The following ADAMTSL5 variants were observed in gnomAD, a reference collection of about 807,000 sequenced individuals.
The protein encoded by ADAMTSL5 is ADAMTS like 5.
In ADAMTSL5, 53 loss-of-function variants were observed where a neutral mutation model predicts 51.7. The ratio of observed to expected loss-of-function variants is 1.03; its 90% CI spans 0.82 to 1.29. ADAMTSL5 has a LOEUF of 1.29. Among genes scored for constraint, ADAMTSL5 ranks in the 50% most tolerant of loss-of-function variants. ADAMTSL5 has a pLI of 0.00. For synonymous variants in ADAMTSL5, 285 were observed against 278.7 expected, an observed-to-expected ratio of 1.02 and a Z score of -0.23; for missense variants, 770 against 676.2, an observed-to-expected ratio of 1.14 and a Z score of -1.54.
intron 5 of ADAMTSL5, 178 bp from the exon 6 acceptor site, chr19:1,508,748 C>T (rs1216512696): frequency 2.8e-6 from 2 of 705,864 alleles, no homozygotes; most frequent in Non-Finnish European, 4.2e-6. Flanking sequence ...CGTCCAGCAA[C>T]CTGGGACTCG....
intron 3 of ADAMTSL5, 28 bp from the exon 4 acceptor site, chr19:1,510,456 C>T (rs571016206): frequency 1.3e-6 from 2 of 1,581,410 alleles, no homozygotes; most frequent in African/African-American, 2.7e-5. Context: ...GTGGCGAGAA[C>T]CCCCAGGGAC....
intron 8 of ADAMTSL5, 74 bp downstream of exon 8, chr19:1,507,483 C>T (rs1045122131): frequency 9.3e-6 from 15 of 1,611,286 alleles, no homozygotes; most frequent in Non-Finnish European, 1.3e-5. Flanking sequence ...AGGCCTCAGT[C>T]TCCCCATCTG....
At position 1,510,412 on chromosome 19, in the gene ADAMTSL5, G is replaced by T. The variant is rs1225891165; in HGVS notation, c.208C>A (p.Pro70Thr). ...TACTCATGGGAGTCTCCCCAGCACGGTTCTTCCCCAGGAAGCCTGAAGGGA... is the reference window on the plus strand; with the variant it reads ...TACTCATGGGAGTCTCCCCAGCACGTTTCTTCCCCAGGAAGCCTGAAGGGA... ...RRCLRLPGEE[P>T]CWGDSHEYRL... The change falls in exon 4 of 12, where the codon CCG (proline) becomes ACG (threonine). Residue 70 changes from proline (P) to threonine (T), a missense_variant. Physicochemically the swap from Pro to Thr is conservative, Grantham distance 38. Transcript: ENST00000330475. 2 of 1,611,884 alleles carry T rather than the reference G, an allele frequency of 1.2e-6. No homozygotes were observed. Among genetic ancestry groups the T allele is most frequent in the Non-Finnish European group, 1.7e-6 (2 of 1,179,698 alleles).
At position 1,510,154 on chromosome 19, in the gene ADAMTSL5, A is replaced by T. The variant is rs749180512; in HGVS notation, c.357T>A (p.His119Gln). Residue 119 changes from histidine to glutamine, a missense_variant, in exon 5 of 12, where the codon CAT becomes CAA. His to Gln is a conservative substitution (Grantham distance 24). Coordinates refer to ENST00000330475, the MANE Select transcript of ADAMTSL5 (RefSeq NM_213604.3). ...TQKTYQWVPF[H>Q]GAPNQCDLNC... is the part of the protein sequence containing the mutation. ...ACAGGAGACCAGACTACTCACCCCC[A>T]TGGAAGGGCACCCACTGGTAGGTCT... The T allele has an allele frequency of 3.7e-6, 6 of 1,609,860 alleles. No individual in the cohort carries two copies. In the African/African-American group the frequency reaches 8.0e-5, roughly 22 times the overall value.
At chr19:1,509,675 G>GAAGGGAAGGAAGA (rs1599288550) in intron 5 of ADAMTSL5, among the ~76,000 whole-genome samples, 1 of 151,870 alleles carries the variant, frequency 6.6e-6, no homozygotes, top group Non-Finnish European at 1.5e-5. Context: ...GAAAGGGAAG[G>GAAGGGAAGGAAGA]AAGGGAAGGA....
At chr19:1,507,165 C>G in intron 9 of ADAMTSL5, 77 bp downstream of exon 9, 1 of 1,506,562 alleles carries the variant, frequency 6.6e-7, no homozygotes. Context: ...GTCACCTCCA[C>G]TCCTACCCTC....
At position 1,508,007 on chromosome 19, in the gene ADAMTSL5, G is replaced by A. The variant is rs1169064550; in HGVS notation, c.592C>T (p.Arg198Cys). Residue 198 changes from arginine (R) to cysteine (C), a missense_variant, in exon 7 of 12, where the codon CGT becomes TGT. By Grantham distance (180) the Arg-to-Cys change is radical. Transcript: ENST00000330475. ...CGGGGCAGGTAGTCACCGGCGTCAC[G>A]AAACACGCGCTGCACGAAAAGGCAC... ...DSCLFVQRVF[R>C]DAGAFAGYWN... 1 of 1,598,598 alleles carries A rather than the reference G, an allele frequency of 6.3e-7. No homozygotes were observed. The highest frequency in any genetic ancestry group is 8.5e-7 in the Non-Finnish European group (1 of 1,173,470).
chr19:1,506,479 G>A lies in ADAMTSL5; in HGVS notation c.1114+111C>T. ...GATCAATGAGGGATTAGGGTCAAGA[G>A]GCAAATTAGGATCAGAAGAAGGGGT... On this transcript the variant is annotated intron_variant, in intron 11 of 11. Coordinates refer to ENST00000330475, the MANE Select transcript of ADAMTSL5 (RefSeq NM_213604.3). The surrounding 1 kb of genome is among the most constrained non-coding windows in gnomAD (Gnocchi z 5.6). 3 of 1,473,800 alleles carry A rather than the reference G, an allele frequency of 2.0e-6. No homozygotes were observed. Among genetic ancestry groups the A allele is most frequent in the Admixed American group, 3.9e-5 (2 of 50,930 alleles). The allele number at this position is 1,473,800 out of a possible 1,614,324, so 91.3% of individuals were successfully genotyped here. A position where few individuals can be genotyped will look rare whatever the true frequency, so the allele number is the denominator to read the frequency against.
intron 5 of ADAMTSL5, among the ~76,000 whole-genome samples, chr19:1,509,662 GGAGA>G (rs1300622660): frequency 4.2e-4 from 15 of 35,976 alleles, no homozygotes; most frequent in South Asian, 1.1e-3. Context: ...GGAAGGGAAG[GGAGA>G]AAGGGAAGGA....
At position 1,506,252 on chromosome 19, in the gene ADAMTSL5, G is replaced by T. The variant is rs1912915824; in HGVS notation, c.1179C>A (p.Ile393=). The part of the protein sequence containing the change: ...QAQETRYEVR[I]QLVYKNRSPL... ...GCGAGCGGTTCTTGTAGACGAGCTG[G>T]ATGCGCACCTCATAGCGGGTCTCCT... Residue 393 remains isoleucine, a synonymous_variant, in exon 12 of 12, where the codon ATC becomes ATA. Coordinates refer to ENST00000330475, the MANE Select transcript of ADAMTSL5 (RefSeq NM_213604.3). The surrounding 1 kb of genome is among the most constrained non-coding windows in gnomAD (Gnocchi z 5.6). 6.3e-7 allele frequency: 1 copy of T among 1,579,602 alleles called. No individual in the cohort carries two copies. The highest frequency in any genetic ancestry group is 2.3e-5 in the East Asian group (1 of 44,444).
chr19:1,508,750 T>G, intron 5 of ADAMTSL5, 180 bp from the exon 6 acceptor site: 1 of 692,174 alleles, frequency 1.4e-6, no homozygotes, highest in Non-Finnish European at 2.2e-6. Context: ...TCCAGCAACC[T>G]GGGACTCGCA....
intron 1 of ADAMTSL5, chr19:1,511,703 A>T (rs1227727468): frequency 2.2e-5 from 15 of 667,432 alleles, no homozygotes; most frequent in Non-Finnish European, 3.3e-5. Context: ...GGCCAAGTGG[A>T]CTCAGTCCAT....
chr19:1,508,611 G>A, intron 5 of ADAMTSL5, 41 bp from the exon 6 acceptor site: 1 of 1,476,162 alleles, frequency 6.8e-7, no homozygotes, highest in Non-Finnish European at 9.0e-7. Context: ...ACCCCTGTTC[G>A]AGCTCCAGTC....
At chr19:1,510,612 C>CAGGG in intron 3 of ADAMTSL5, 27 bp downstream of exon 3, 4 of 1,513,900 alleles carry the variant, frequency 2.6e-6, no homozygotes, top group Non-Finnish European at 3.5e-6. Flanking sequence ...GGAGGAGGGG[C>CAGGG]AGGGACCCCC....
At chr19:1,507,894 T>C in intron 7 of ADAMTSL5, 104 bp downstream of exon 7, 1 of 1,289,062 alleles carries the variant, frequency 7.8e-7, no homozygotes, top group Non-Finnish European at 1.1e-6. Flanking sequence ...AAAGGGGGGC[T>C]GGGCCGCACA....
Position 1,508,733 on chromosome 19 carries a change from C to G in ADAMTSL5, c.362-163G>C, listed in dbSNP as rs542986169. On this transcript the variant is annotated intron_variant, in intron 5 of 11. Coordinates refer to ENST00000330475, the MANE Select transcript of ADAMTSL5 (RefSeq NM_213604.3). The stretch of plus-strand genomic sequence containing the variant: ...CAGAGCCAGGACTGGACCGTAGGTG[C>G]TCTGCGTCCAGCAACCTGGGACTCG... 3.3e-5 allele frequency: 32 copies of G among 977,920 alleles called. No individual in the cohort carries two copies. The African/African-American group carries it at 5.3e-4, about 16-fold the overall frequency. 60.6% of individuals were successfully genotyped at this position (977,920 alleles called of 1,614,324 possible).
At position 1,507,547 on chromosome 19, in the gene ADAMTSL5, C is replaced by G. The variant is rs758291992; in HGVS notation, c.688+10G>C. Reference sequence around the variant, plus strand: ...CAGCCGGGTGCCTCTCGCCTCACATCCTAGGATACCCAGGTGGTTGCGGCT... The same window carrying G: ...CAGCCGGGTGCCTCTCGCCTCACATGCTAGGATACCCAGGTGGTTGCGGCT... On this transcript the variant is annotated intron_variant, in intron 8 of 11. Coordinates refer to ENST00000330475, the MANE Select transcript of ADAMTSL5 (RefSeq NM_213604.3). 15 of 1,613,170 alleles carry G rather than the reference C, an allele frequency of 9.3e-6. No individual in the cohort carries two copies. In the African/African-American group the frequency reaches 2.0e-4, roughly 22 times the overall value.
intron 5 of ADAMTSL5, among the ~76,000 whole-genome samples, chr19:1,509,444 C>G (rs1001492253): frequency 3.3e-5 from 5 of 151,990 alleles, no homozygotes; most frequent in African/African-American, 1.2e-4. Context: ...TCTGATCAAA[C>G]ACAAAGGCCG....
Position 1,506,538 on chromosome 19 carries a change from G to C in ADAMTSL5, c.1114+52C>G. 6.3e-7 allele frequency: 1 copy of C among 1,580,504 alleles called. No homozygotes were observed. The highest frequency in any genetic ancestry group is 2.3e-5 in the East Asian group (1 of 44,062). Reference sequence around the variant, plus strand: ...AAGTCAGATTAGGGTCAGAGGTCAGGAGGAGGCCAGGTTAGTAGGGGCTAA... The same window carrying C: ...AAGTCAGATTAGGGTCAGAGGTCAGCAGGAGGCCAGGTTAGTAGGGGCTAA... On this transcript the variant is annotated intron_variant, in intron 11 of 11. Coordinates refer to ENST00000330475, the MANE Select transcript of ADAMTSL5 (RefSeq NM_213604.3). This position sits in a 1 kb window ranked among gnomAD's most constrained non-coding sequence, Gnocchi z 5.6.
Sources: allele counts gnomAD v4.1 joint callset (sites outside exome capture counted in the v4.1 genomes callset), GRCh38; gene constraint gnomAD v4.1.1; non-coding constraint Gnocchi (gnomAD v3.1); transcripts MANE v1.5; gene names NCBI Gene and HGNC (gene_info 2026-07-23, HGNC 2026-07-21).